CIMIP2C: variants seen among roughly 807,000 people sequenced by gnomAD.
The protein encoded by CIMIP2C is ciliary microtubule inner protein 2C, also known as UPF0573 protein C2orf70.
the CIMIP2C span, chr2:26,562,646 G>T: frequency 6.3e-7 from 1 of 1,587,274 alleles, no homozygotes; most frequent in South Asian, 1.1e-5. Flanking sequence ...CCTACTGACC[G>T]AGTTCAATGC....
At chr2:26,579,187 G>A in the CIMIP2C span, 129 of 1,353,914 alleles carry the variant, frequency 9.5e-5, no homozygotes, top group Non-Finnish European at 1.2e-4. Flanking sequence ...ACGAGTAGCC[G>A]GCAGGTCAGC....
chr2:26,572,271 C>A, the CIMIP2C span: 1 of 1,002,614 alleles, frequency 1.0e-6, no homozygotes. Flanking sequence ...CACCTAGTTG[C>A]TATTCCTGGT....
the CIMIP2C span, among the ~76,000 whole-genome samples, chr2:26,563,706 CG>C: frequency 6.6e-6 from 1 of 152,194 alleles, no homozygotes; most frequent in Admixed American, 6.5e-5. Flanking sequence ...CCCCTGCAAT[CG>C]GAACAGATGG....
At chr2:26,575,749 C>T in the CIMIP2C span, among the ~76,000 whole-genome samples, 1 of 152,172 alleles carries the variant, frequency 6.6e-6, no homozygotes, top group African/African-American at 2.4e-5. Context: ...TCTCAGAACT[C>T]CTGGGCTCAG....
chr2:26,573,223 C>T, the CIMIP2C span, among the ~76,000 whole-genome samples: 78 of 152,304 alleles, frequency 5.1e-4, no homozygotes, highest in East Asian at 0.014. Context: ...GAAGATGCAG[C>T]GTATTCCTTA....
At chr2:26,568,383 C>CA in the CIMIP2C span, among the ~76,000 whole-genome samples, 1 of 152,182 alleles carries the variant, frequency 6.6e-6, no homozygotes, top group Non-Finnish European at 1.5e-5. Context: ...TGCCCCAAGG[C>CA]CAGCCCCTAT....
chr2:26,563,333 T>TA, the CIMIP2C span, among the ~76,000 whole-genome samples: 1 of 152,214 alleles, frequency 6.6e-6, no homozygotes, highest in Admixed American at 6.5e-5. Flanking sequence ...CACTTTCAAA[T>TA]ACTAGGTTAC....
chr2:26,564,155 AT>A, the CIMIP2C span, among the ~76,000 whole-genome samples: 1 of 152,186 alleles, frequency 6.6e-6, no homozygotes, highest in Non-Finnish European at 1.5e-5. Context: ...GCAGCCTTGG[AT>A]TGTGGTGCTG....
the CIMIP2C span, among the ~76,000 whole-genome samples, chr2:26,569,352 G>A: frequency 6.6e-6 from 1 of 152,186 alleles, no homozygotes; most frequent in South Asian, 2.1e-4. Flanking sequence ...CGGCTGGAAA[G>A]CATTCTCACA....
the CIMIP2C span, among the ~76,000 whole-genome samples, chr2:26,568,447 G>A: frequency 6.6e-6 from 1 of 152,184 alleles, no homozygotes; most frequent in African/African-American, 2.4e-5. Context: ...TAGGTAACTG[G>A]TGCCTCTCTA....
the CIMIP2C span, chr2:26,576,089 A>T: frequency 6.2e-7 from 1 of 1,614,154 alleles, no homozygotes; most frequent in South Asian, 1.1e-5. Flanking sequence ...GCGCGCCAGC[A>T]CCCGGGACCG....
chr2:26,577,689 C>A, the CIMIP2C span: 1 of 1,240,772 alleles, frequency 8.1e-7, no homozygotes, highest in Non-Finnish European at 1.2e-6. Flanking sequence ...GGCACCTGCT[C>A]TCGGCCAGGC....
At chr2:26,578,550 G>A in the CIMIP2C span, 1 of 296,802 alleles carries the variant, frequency 3.4e-6, no homozygotes, top group South Asian at 3.0e-5. Flanking sequence ...TGCGTGGCCT[G>A]GATGGTTGGA....
At chr2:26,567,065 A>T in the CIMIP2C span, among the ~76,000 whole-genome samples, 1 of 152,330 alleles carries the variant, frequency 6.6e-6, no homozygotes, top group Admixed American at 6.5e-5. Context: ...GGCTTGTTTA[A>T]TAATAGACTT....
the CIMIP2C span, among the ~76,000 whole-genome samples, chr2:26,567,523 ACT>A: frequency 1.3e-5 from 2 of 152,100 alleles, no homozygotes; most frequent in African/African-American, 4.8e-5. Context: ...AGAGTAATAC[ACT>A]CTGCCAGCTT....
chr2:26,573,411 A>G, the CIMIP2C span, among the ~76,000 whole-genome samples: 1 of 152,170 alleles, frequency 6.6e-6, no homozygotes, highest in Non-Finnish European at 1.5e-5. Flanking sequence ...GAAGAGGCCG[A>G]GAGGGAGGGG....
chr2:26,578,644 C>T, the CIMIP2C span: 1 of 415,630 alleles, frequency 2.4e-6, no homozygotes, highest in Non-Finnish European at 5.0e-6. Flanking sequence ...TGGCTCTGAG[C>T]CAGTCCATCC....
chr2:26,567,561 A>G, the CIMIP2C span, among the ~76,000 whole-genome samples: 71 of 152,316 alleles, frequency 4.7e-4, no homozygotes, highest in African/African-American at 1.6e-3. Flanking sequence ...TTTACCCTTC[A>G]GGGAGAGAGG....
At chr2:26,574,870 G>A in the CIMIP2C span, among the ~76,000 whole-genome samples, 6 of 152,242 alleles carry the variant, frequency 3.9e-5, no homozygotes, top group South Asian at 2.1e-4. Flanking sequence ...GAGCACAGGC[G>A]GCCTTGGGAA....
Sources: gnomAD v4.1 joint callset for allele counts (sites outside exome capture counted in the v4.1 genomes callset) on GRCh38, gnomAD v4.1.1 for gene constraint, MANE v1.5 for transcripts, NCBI Gene and HGNC (gene_info 2026-07-23, HGNC 2026-07-21) for gene names.